NDC1: variants seen among roughly 807,000 people sequenced by gnomAD.
NDC1 encodes the protein nucleoporin NDC1.
Under a neutral mutation model 89.8 loss-of-function variants are expected in NDC1, and 24 were observed. The observed-to-expected ratio is 0.27, with a 90% CI of 0.19 to 0.38. The LOEUF is 0.38. Among genes scored for constraint, NDC1 ranks in the 10% least tolerant of loss-of-function variants. NDC1 has a pLI of 1.00. For synonymous variants in NDC1, 296 were observed against 284.8 expected (o/e 1.04, Z -0.39); for missense variants, 728 against 797.6 (o/e 0.91, Z 1.05).
intron 3 of NDC1, among the ~76,000 whole-genome samples, chr1:53,830,312 G>C (rs577212693): frequency 1.4e-3 from 210 of 151,884 alleles, no homozygotes; most frequent in Non-Finnish European, 2.5e-3. Context: ...AAATTAGCCA[G>C]GCATGGTGGC....
Position 53,806,036 on chromosome 1 carries a change from T to C in NDC1, c.984+389A>G, listed in dbSNP as rs1486247256. Among the ~76,000 whole-genome samples, 4 of 152,084 alleles carry C rather than the reference T, an allele frequency of 2.6e-5. No individual in the cohort carries two copies. In the East Asian group the frequency reaches 7.7e-4, roughly 29 times the overall value. ...TTGCAGTGAGCCGAGATCGCGCCAC[T>C]GCACTCCAGCCTGGGCGACAGAGCG... On this transcript the variant is annotated intron_variant, in intron 9 of 17. Coordinates refer to ENST00000371429, the MANE Select transcript of NDC1 (RefSeq NM_018087.5).
chr1:53,805,930 C>T (rs1201288854), intron 9 of NDC1, among the ~76,000 whole-genome samples: 1 of 152,130 alleles, frequency 6.6e-6, no homozygotes, highest in African/African-American at 2.4e-5. Context: ...AAAAATTAGC[C>T]GGGCGTGGTA....
At chr1:53,825,155 A>G (rs1221298016) in intron 5 of NDC1, among the ~76,000 whole-genome samples, 1 of 150,880 alleles carries the variant, frequency 6.6e-6, no homozygotes, top group African/African-American at 2.4e-5. Context: ...CCTGGGTGAC[A>G]GAGTGAGACT....
intron 5 of NDC1, among the ~76,000 whole-genome samples, chr1:53,821,679 G>A (rs928587137): frequency 3.3e-5 from 5 of 152,178 alleles, no homozygotes; most frequent in African/African-American, 1.2e-4. Flanking sequence ...GTTCAGAGAG[G>A]CTAGGGAAGC....
intron 5 of NDC1, among the ~76,000 whole-genome samples, chr1:53,819,913 C>T (rs1397111313): frequency 6.6e-6 from 1 of 151,170 alleles, no homozygotes; most frequent in Non-Finnish European, 1.5e-5. Context: ...TCTTGGGTGA[C>T]ACATAAAATA....
intron 16 of NDC1, among the ~76,000 whole-genome samples, chr1:53,785,934 T>TTTAC (rs999208383): frequency 2.0e-5 from 3 of 151,980 alleles, no homozygotes; most frequent in African/African-American, 7.2e-5. Flanking sequence ...TATTTATTTA[T>TTTAC]TTACTTTTGA....
In NDC1 at chr1:53,835,640, C is replaced by A. The variant is rs770527165; in HGVS notation, c.58-20G>T. The A allele has an allele frequency of 1.3e-6, 2 of 1,594,832 alleles. No individual in the cohort carries two copies. The highest frequency in any genetic ancestry group is 1.1e-5 in the South Asian group (1 of 87,158). ...CAAAACCTATAAACAAAAAGAAAAACCCTCACTCATGAAGTCAGTTAAATT... is the reference window on the plus strand; with the variant it reads ...CAAAACCTATAAACAAAAAGAAAAAACCTCACTCATGAAGTCAGTTAAATT... On this transcript the variant is annotated intron_variant, in intron 1 of 17. Coordinates refer to ENST00000371429, the MANE Select transcript of NDC1 (RefSeq NM_018087.5).
Position 53,787,138 on chromosome 1 carries a change from C to G in NDC1, c.1800+20G>C. 6.8e-7 allele frequency: 1 copy of G among 1,460,896 alleles called. No homozygotes were observed. The allele number at this position is 1,460,896 out of a possible 1,614,324, so 90.5% of individuals were successfully genotyped here. A position where few individuals can be genotyped will look rare whatever the true frequency, so the allele number is the denominator to read the frequency against. ...AGGGGAAGATGACCTCTACCCCCTC[C>G]CAACCCACAGATTTCTTACCTCTTG... On this transcript the variant is annotated intron_variant, in intron 16 of 17. Transcript: ENST00000371429.
At chr1:53,817,505 G>C (rs939397251) in intron 6 of NDC1, among the ~76,000 whole-genome samples, 1 of 152,142 alleles carries the variant, frequency 6.6e-6, no homozygotes, top group Non-Finnish European at 1.5e-5. Context: ...AGGGGGATGA[G>C]GGATAAAAGA....
chr1:53,834,969 G>A (rs1302316125), intron 2 of NDC1, among the ~76,000 whole-genome samples: 2 of 151,760 alleles, frequency 1.3e-5, no homozygotes, highest in Non-Finnish European at 2.9e-5. Flanking sequence ...TCAGCCGGGC[G>A]TGGTGGCGCG....
intron 9 of NDC1, among the ~76,000 whole-genome samples, chr1:53,804,642 G>A (rs1324759277): frequency 6.6e-6 from 1 of 151,972 alleles, no homozygotes; most frequent in African/African-American, 2.4e-5. Flanking sequence ...ACACTCAACT[G>A]ATTTCTGTAT....
chr1:53,803,000 C>G (rs1282675645), intron 10 of NDC1, among the ~76,000 whole-genome samples: 1 of 152,120 alleles, frequency 6.6e-6, no homozygotes, highest in Admixed American at 6.6e-5. Flanking sequence ...AGACTTAAAT[C>G]TCCCATCTAG....
At chr1:53,827,180 A>G (rs1648892618) in intron 4 of NDC1, among the ~76,000 whole-genome samples, 1 of 152,160 alleles carries the variant, frequency 6.6e-6, no homozygotes, top group Admixed American at 6.5e-5. Context: ...GGCAAAAAGA[A>G]AATCAAGTAT....
At position 53,828,176 on chromosome 1, in the gene NDC1, G is replaced by GC. The variant is rs747417450; in HGVS notation, c.281-4dup. 3 of 1,613,412 alleles carry GC rather than the reference G, an allele frequency of 1.9e-6. No individual in the cohort carries two copies. The East Asian group carries it at 6.7e-5, about 36-fold the overall frequency. Reference sequence around the variant, plus strand: ...GGAGCAAGGAATAGAAGGCACAACTGCAAAGGAAACACATTACTGTGGCTT... The same window carrying GC: ...GGAGCAAGGAATAGAAGGCACAACTGCCAAAGGAAACACATTACTGTGGCTT... On this transcript the variant is annotated splice_region_variant and splice_polypyrimidine_tract_variant and intron_variant, in intron 3 of 17. Coordinates refer to ENST00000371429, the MANE Select transcript of NDC1 (RefSeq NM_018087.5).
intron 16 of NDC1, among the ~76,000 whole-genome samples, chr1:53,780,578 A>G (rs1647197523): frequency 6.6e-6 from 1 of 152,204 alleles, no homozygotes; most frequent in Non-Finnish European, 1.5e-5. Context: ...GGTAAACATC[A>G]ATATTCCAAA....
chr1:53,835,951 T>C (rs956529162), intron 1 of NDC1, among the ~76,000 whole-genome samples: 1 of 152,166 alleles, frequency 6.6e-6, no homozygotes, highest in Non-Finnish European at 1.5e-5. Context: ...GCTGTACACA[T>C]TTTATGGGAA....
chr1:53,825,004 T>C (rs374859444), intron 5 of NDC1, among the ~76,000 whole-genome samples: 1 of 151,816 alleles, frequency 6.6e-6, no homozygotes, highest in East Asian at 1.9e-4. Flanking sequence ...AGAAACCCCA[T>C]CTCTACAAAA....
chr1:53,784,487 T>A (rs1411911639), intron 16 of NDC1, among the ~76,000 whole-genome samples: 1 of 151,096 alleles, frequency 6.6e-6, no homozygotes, highest in African/African-American at 2.4e-5. Flanking sequence ...TGAAACCCCA[T>A]CTCTACTAAA....
chr1:53,799,320 T>C (rs1348033599), intron 11 of NDC1, among the ~76,000 whole-genome samples: 1 of 152,192 alleles, frequency 6.6e-6, no homozygotes, highest in African/African-American at 2.4e-5. Context: ...TTCTAGCACA[T>C]TGTTTGGTAT....
Sources: gnomAD v4.1 joint callset for allele counts (sites outside exome capture counted in the v4.1 genomes callset) on GRCh38, gnomAD v4.1.1 for gene constraint, MANE v1.5 for transcripts, NCBI Gene and HGNC (gene_info 2026-07-23, HGNC 2026-07-21) for gene names.